TXNRD2: variants seen among roughly 807,000 people sequenced by gnomAD.
The protein encoded by TXNRD2 is thioredoxin reductase 2, mitochondrial.
TXNRD2 carries 67 observed loss-of-function variants against 70.8 expected under a neutral mutation model. The observed-to-expected ratio is 0.95, with a 90% confidence interval of 0.78 to 1.16. TXNRD2 has a LOEUF of 1.16. TXNRD2 is among the 50% of genes most tolerant of loss of function. TXNRD2 has a pLI of 0.00. For missense variants in TXNRD2, 644 were observed against 719.9 expected (o/e 0.89, Z 1.21); for synonymous variants, 301 against 295.8 (o/e 1.02, Z -0.18).
intron 2 of TXNRD2, among the ~76,000 whole-genome samples, chr22:19,927,581 G>A (rs1365580392): frequency 6.7e-6 from 1 of 150,030 alleles, no homozygotes; most frequent in African/African-American, 2.5e-5. Flanking sequence ...TTGAACCCGG[G>A]AGGTGGAGGT....
At chr22:19,909,672 ACACACACTACTCACACACACTGCT>A (rs1940256987) in intron 8 of TXNRD2, among the ~76,000 whole-genome samples, 1 of 138,198 alleles carries the variant, frequency 7.2e-6, no homozygotes, top group Admixed American at 7.5e-5. Flanking sequence ...CACACCACTC[ACACACACTACTCACACACACTGCT>A]CACACACACC....
intron 2 of TXNRD2, among the ~76,000 whole-genome samples, chr22:19,923,866 T>C (rs914023275): frequency 2.6e-4 from 25 of 96,758 alleles, no homozygotes; most frequent in African/African-American, 6.6e-4. Context: ...TTTTTTTTTT[T>C]CAAATCTTGT....
intron 1 of TXNRD2, among the ~76,000 whole-genome samples, chr22:19,935,276 G>A (rs188694352): frequency 1.3e-5 from 2 of 152,320 alleles, no homozygotes; most frequent in East Asian, 3.9e-4. Flanking sequence ...GTCTTATGCG[G>A]TTGAGATAAG....
In TXNRD2 at chr22:19,940,402, C is replaced by T. The variant is rs9332312; in HGVS notation, c.103+1299G>A. Among the ~76,000 whole-genome samples, 959 of 152,246 alleles carry T rather than the reference C, an allele frequency of 6.3e-3. 3 individuals are homozygous for T. The highest frequency in any genetic ancestry group is 0.011 in the Non-Finnish European group (725 of 68,024). ...TTCTTACTGGGAGGACCAGGATCAT[C>T]ATCCTATTTTGCATAGAAGGTTCAG... is the stretch of plus-strand genomic sequence containing the variant. On this transcript the variant is annotated intron_variant, in intron 1 of 17. Transcript: ENST00000400521.
intron 1 of TXNRD2, chr22:19,933,368 T>C: frequency 8.8e-7 from 1 of 1,133,794 alleles, no homozygotes; most frequent in Non-Finnish European, 1.2e-6. Context: ...ATGAACCTGC[T>C]GATGGAGAAG....
intron 8 of TXNRD2, 116 bp from the exon 9 acceptor site, chr22:19,899,184 A>G (rs1939658664): frequency 3.0e-6 from 4 of 1,351,630 alleles, no homozygotes; most frequent in Admixed American, 1.8e-5. Flanking sequence ...GTGGGCTCCA[A>G]GGTTACTGTT....
chr22:19,917,883 G>A (rs1940707809), intron 5 of TXNRD2, among the ~76,000 whole-genome samples: 1 of 152,176 alleles, frequency 6.6e-6, no homozygotes, highest in African/African-American at 2.4e-5. Context: ...GTGCAGCCCT[G>A]GGCTCTGGCC....
At chr22:19,921,031 C>T (rs1186835278) in intron 2 of TXNRD2, among the ~76,000 whole-genome samples, 2 of 141,574 alleles carry the variant, frequency 1.4e-5, no homozygotes, top group Non-Finnish European at 3.0e-5. Context: ...GGTGTGAACC[C>T]AGGAAGCGGA....
intron 14 of TXNRD2, among the ~76,000 whole-genome samples, chr22:19,879,094 CAT>C (rs1275262609): frequency 6.6e-6 from 1 of 152,210 alleles, no homozygotes; most frequent in Admixed American, 6.5e-5. Context: ...CATTGTGAAA[CAT>C]AAAACAACAT....
chr22:19,883,252 A>C, intron 12 of TXNRD2, 73 bp downstream of exon 12: 1 of 1,574,694 alleles, frequency 6.4e-7, no homozygotes, highest in Non-Finnish European at 8.7e-7. Flanking sequence ...GGACGGCAGC[A>C]GCCGGAGCCC....
chr22:19,892,424 T>C (rs1217210586), intron 11 of TXNRD2, among the ~76,000 whole-genome samples: 4 of 152,230 alleles, frequency 2.6e-5, no homozygotes, highest in Admixed American at 1.3e-4. Context: ...GTGAAAAGCT[T>C]CCACCCCCAG....
At position 19,895,588 on chromosome 22, in the gene TXNRD2, A is replaced by G. The variant is rs1363660057; in HGVS notation, c.775-7T>C. 6.2e-7 allele frequency: 1 copy of G among 1,609,466 alleles called. No individual in the cohort carries two copies. The highest frequency in any genetic ancestry group is 8.5e-7 in the Non-Finnish European group (1 of 1,180,012). The stretch of plus-strand genomic sequence containing the variant: ...TGACCATGGAGGACATTTGCTGCAA[A>G]GCACAAGAAGACAGGCCATGAAGAC... On this transcript the variant is annotated splice_region_variant and splice_polypyrimidine_tract_variant and intron_variant, in intron 10 of 17. Coordinates refer to ENST00000400521, the MANE Select transcript of TXNRD2 (RefSeq NM_006440.5).
intron 12 of TXNRD2, chr22:19,881,325 A>G (rs1029192484): frequency 5.4e-6 from 2 of 373,572 alleles, no homozygotes. Flanking sequence ...CCAGAAATGC[A>G]TAGAGATCCG....
rs192869629 is a variant in TXNRD2, at chr22:19,880,654, C to T, written c.1150G>A (p.Gly384Ser). The T allele has an allele frequency of 6.2e-3, 9,979 of 1,613,390 alleles. 86 individuals are homozygous for T. The highest frequency in any genetic ancestry group is 5.7e-3 in the Non-Finnish European group (6,769 of 1,179,990). The change falls in exon 13 of 18, where the codon GGC becomes AGC. Residue 384 changes from glycine to serine, a missense_variant. Around this residue, in one of 3 missense-constraint regions of TXNRD2, gnomAD observed 566 missense variants for 645.0 expected, o/e 0.88. Transcript: ENST00000400521. ...AGRLLVQRLF[G>S]GSSDLMDYDN... ...TAGTCCATCAGATCTGAGGACCCGCCGAAGAGCCGCTGCACCAGGAGCCTC... is the reference window on the plus strand; with the variant it reads ...TAGTCCATCAGATCTGAGGACCCGCTGAAGAGCCGCTGCACCAGGAGCCTC...
chr22:19,901,405 C>T (rs1939771862), intron 8 of TXNRD2, among the ~76,000 whole-genome samples: 1 of 152,182 alleles, frequency 6.6e-6, no homozygotes, highest in Non-Finnish European at 1.5e-5. Flanking sequence ...GGCATATTCC[C>T]GAGTGGGCAT....
At chr22:19,915,649 TGA>T in intron 6 of TXNRD2, 114 bp downstream of exon 6, 1 of 951,912 alleles carries the variant, frequency 1.1e-6, no homozygotes, top group South Asian at 1.4e-5. Flanking sequence ...GCCACCTTTT[TGA>T]TTCCAGCAGC....
At chr22:19,895,353 T>C in intron 11 of TXNRD2, 54 bp downstream of exon 11, 1 of 1,611,794 alleles carries the variant, frequency 6.2e-7, no homozygotes, top group South Asian at 1.1e-5. Flanking sequence ...GCAAAGATTC[T>C]CCATGCACCT....
Position 19,915,317 on chromosome 22 carries a change from T to C in TXNRD2, c.529-41A>G, listed in dbSNP as rs369751946. The C allele has an allele frequency of 9.1e-4, 1,449 of 1,597,654 alleles. 25 individuals carry two copies. Among genetic ancestry groups the C allele is most frequent in the Non-Finnish European group, 1.4e-4 (165 of 1,169,970 alleles). On this transcript the variant is annotated intron_variant, in intron 6 of 17. Transcript: ENST00000400521. The stretch of plus-strand genomic sequence containing the variant: ...GAAAGCCGTGGGTCAGACAGGTGCA[T>C]GGTGATCACCCCACCGGAGGGCCTG...
chr22:19,905,417 C>A (rs1939965008), intron 8 of TXNRD2, among the ~76,000 whole-genome samples: 1 of 152,092 alleles, frequency 6.6e-6, no homozygotes, highest in African/African-American at 2.4e-5. Context: ...CCCGGCCGAG[C>A]CAGCTGCCCC....
Sources: allele counts gnomAD v4.1 joint callset (sites outside exome capture counted in the v4.1 genomes callset), GRCh38; gene constraint gnomAD v4.1.1; regional missense constraint gnomAD v4.1.1; transcripts MANE v1.5; gene names NCBI Gene and HGNC (gene_info 2026-07-23, HGNC 2026-07-21).